Variants in SHROOM2 observed in about 807,000 individuals in gnomAD.
The protein encoded by SHROOM2 is protein Shroom2.
In SHROOM2, 33 loss-of-function variants were observed where a neutral mutation model predicts 75.9. The ratio of observed to expected loss-of-function variants is 0.43; its 90% CI spans 0.33 to 0.58. The LOEUF is 0.58. Ranked by LOEUF, SHROOM2 falls within the 20% of genes least tolerant of loss-of-function variation. SHROOM2 has a pLI of 0.04. For synonymous variants in SHROOM2, 655 were observed against 663.6 expected (o/e 0.99, Z 0.20); for missense variants, 1,434 against 1,461.2 (o/e 0.98, Z 0.30).
At chrX:9,815,571 C>CCTATAT (rs776124308) in intron 1 of SHROOM2, among the ~76,000 whole-genome samples, 20,077 of 96,331 alleles carry the variant, frequency 0.21, 1,807 homozygotes, top group East Asian at 0.3. Context: ...ATATCTATAT[C>CCTATAT]CTATATCTAT....
At chrX:9,888,133 ACT>A (rs1054597962) in intron 2 of SHROOM2, among the ~76,000 whole-genome samples, 5 of 112,213 alleles carry the variant, frequency 4.5e-5, no homozygotes, top group Non-Finnish European at 9.4e-5. Context: ...CACAGCTGCG[ACT>A]CACTCTCTCC....
At chrX:9,926,362 A>G (rs2084594066) in intron 5 of SHROOM2, among the ~76,000 whole-genome samples, 1 of 111,692 alleles carries the variant, frequency 9.0e-6, no homozygotes, top group Admixed American at 9.5e-5. Flanking sequence ...TTGAGCACCA[A>G]CATGATGCCA....
At chrX:9,816,527 C>T (rs1018273402) in intron 1 of SHROOM2, among the ~76,000 whole-genome samples, 5 of 111,850 alleles carry the variant, frequency 4.5e-5, no homozygotes, top group Non-Finnish European at 9.4e-5. Flanking sequence ...GCCTGGTCAC[C>T]GGCATCCTTG....
At chrX:9,864,870 A>G (rs1159981820) in intron 1 of SHROOM2, among the ~76,000 whole-genome samples, 1 of 110,053 alleles carries the variant, frequency 9.1e-6, no homozygotes, top group African/African-American at 3.3e-5. Flanking sequence ...AAAATTAGCC[A>G]GGTGTGGTGA....
In SHROOM2 at chrX:9,895,391, T is replaced by A; in HGVS notation, c.1483T>A (p.Trp495Arg). Reference sequence around the variant, plus strand: ...AGCAGCACAGCTCTGGGCGGGATGCTGGCCTTCTGACACAGCCCTTGGAGC... The same window carrying A: ...AGCAGCACAGCTCTGGGCGGGATGCAGGCCTTCTGACACAGCCCTTGGAGC... The part of the protein sequence containing the change: ...LQAAQLWAGC[W>R]PSDTALGALE... The change falls in exon 4 of 10, where the codon TGG (tryptophan) becomes AGG (arginine). Residue 495 changes from tryptophan to arginine, a missense_variant. By Grantham distance (101) the Trp-to-Arg change is moderately radical. Coordinates refer to ENST00000380913, the MANE Select transcript of SHROOM2 (RefSeq NM_001649.4). 1 of 1,201,921 alleles carries A rather than the reference T, an allele frequency of 8.3e-7. No homozygotes were observed.
At chrX:9,803,884 G>A (rs979508180) in intron 1 of SHROOM2, among the ~76,000 whole-genome samples, 3 of 111,036 alleles carry the variant, frequency 2.7e-5, no homozygotes, top group Non-Finnish European at 3.8e-5. Context: ...ACGGGTTCTC[G>A]ACAGGTATTG....
At chrX:9,796,278 C>T (rs890388641) in intron 1 of SHROOM2, among the ~76,000 whole-genome samples, 2 of 109,124 alleles carry the variant, frequency 1.8e-5, no homozygotes, top group Non-Finnish European at 3.8e-5. Context: ...GAAAAATTAG[C>T]CAGGCAAGGT....
chrX:9,822,985 A>ATTCTTCTTCTTCTTCTTCTTCTTCTTC (rs1193729528), intron 1 of SHROOM2, among the ~76,000 whole-genome samples: 3 of 88,282 alleles, frequency 3.4e-5, no homozygotes, highest in African/African-American at 1.4e-4. Flanking sequence ...AAGAATAATA[A>ATTCTTCTTCTTCTTCTTCTTCTTCTTC]TTCTTCTTCT....
chrX:9,826,752 G>A (rs189519799), intron 1 of SHROOM2, among the ~76,000 whole-genome samples: 3 of 111,759 alleles, frequency 2.7e-5, no homozygotes, highest in African/African-American at 9.7e-5. Flanking sequence ...CTCCGTCCAG[G>A]GCGACAGAGA....
chrX:9,929,285 G>T (rs889176442), intron 5 of SHROOM2, among the ~76,000 whole-genome samples: 3 of 111,952 alleles, frequency 2.7e-5, no homozygotes, highest in East Asian at 2.8e-4. Context: ...AGGTGGGGGT[G>T]GGGGGCAAAC....
chrX:9,875,107 A>G (rs1277452560), intron 2 of SHROOM2, among the ~76,000 whole-genome samples: 2 of 101,612 alleles, frequency 2.0e-5, no homozygotes, highest in African/African-American at 7.0e-5. Flanking sequence ...AAAAAAAAAA[A>G]AAAGGGGAGG....
Position 9,891,012 on chromosome X carries a change from A to G in SHROOM2, c.353A>G (p.His118Arg). 8.3e-7 allele frequency: 1 copy of G among 1,205,814 alleles called. No individual in the cohort carries two copies. Among genetic ancestry groups the G allele is most frequent in the Non-Finnish European group, 1.1e-6 (1 of 892,686 alleles). ...CTGGGCTGGAGGCCTCACTCCTGGC[A>G]TGCCACCAAGTTCTCTGACAGCCAC... ...SELGWRPHSW[H>R]ATKFSDSHPE... The change falls in exon 3 of 10, where the codon CAT becomes CGT. Residue 118 changes from histidine (H) to arginine (R), a missense_variant. Coordinates refer to ENST00000380913, the MANE Select transcript of SHROOM2 (RefSeq NM_001649.4).
intron 1 of SHROOM2, among the ~76,000 whole-genome samples, chrX:9,851,300 T>C (rs2084038103): frequency 9.0e-6 from 1 of 111,195 alleles, no homozygotes; most frequent in African/African-American, 3.3e-5. Flanking sequence ...TGAGCCACCA[T>C]GCCTGGCCTC....
chrX:9,849,671 A>G (rs1843329717), intron 1 of SHROOM2, among the ~76,000 whole-genome samples: 1 of 111,345 alleles, frequency 9.0e-6, no homozygotes, highest in African/African-American at 3.3e-5. Flanking sequence ...ACCACCACAC[A>G]TGCCCTGTCC....
intron 1 of SHROOM2, among the ~76,000 whole-genome samples, chrX:9,792,154 T>A (rs371141960): frequency 1.3e-4 from 1 of 7,805 alleles, no homozygotes; most frequent in East Asian, 1.3e-3. Context: ...TAGAATAGAA[T>A]AGAATAATCA....
chrX:9,939,948 T>G (rs111339228), intron 8 of SHROOM2, among the ~76,000 whole-genome samples: 6,442 of 110,591 alleles, frequency 0.058, 185 homozygotes, highest in African/African-American at 0.1. Flanking sequence ...CACCAAGCCT[T>G]GCTAATTTTT....
At chrX:9,907,991 T>C (rs5979206) in intron 5 of SHROOM2, among the ~76,000 whole-genome samples, 4,703 of 112,617 alleles carry the variant, frequency 0.042, 262 homozygotes, top group African/African-American at 0.14. Context: ...TGGTCTTACA[T>C]GAGTGTGCTT....
At chrX:9,907,843 T>A (rs2084399885) in intron 5 of SHROOM2, among the ~76,000 whole-genome samples, 1 of 111,858 alleles carries the variant, frequency 8.9e-6, no homozygotes, top group Non-Finnish European at 1.9e-5. Context: ...CTGTGGCTGC[T>A]CCCTCTCTAT....
intron 6 of SHROOM2, among the ~76,000 whole-genome samples, chrX:9,933,972 A>G (rs2084675275): frequency 9.0e-6 from 1 of 111,432 alleles, no homozygotes; most frequent in Non-Finnish European, 1.9e-5. Flanking sequence ...TTGTTGTCCT[A>G]AGTGCGATGG....
Sources: gnomAD v4.1 joint callset for allele counts (sites outside exome capture counted in the v4.1 genomes callset) on GRCh38, gnomAD v4.1.1 for gene constraint, MANE v1.5 for transcripts, NCBI Gene and HGNC (gene_info 2026-07-23, HGNC 2026-07-21) for gene names.